The following CYTL1 variants were observed in gnomAD, a reference collection of about 807,000 sequenced individuals.
CYTL1 encodes cytokine-like protein 1.
In CYTL1, 17 loss-of-function variants were observed where a neutral mutation model predicts 13.1. The observed-to-expected ratio is 1.29, with a 90% CI of 0.89 to 1.94. CYTL1 has a LOEUF of 1.94. Among genes scored for constraint, CYTL1 ranks in the 30% most tolerant of loss-of-function variants. The pLI, the probability that CYTL1 is intolerant of heterozygous loss-of-function variation, is 0.00. For synonymous variants in CYTL1, 91 were observed against 79.4 expected, an observed-to-expected ratio of 1.15 and a Z score of -0.78; for missense variants, 213 against 174.8, an observed-to-expected ratio of 1.22 and a Z score of -1.23.
intron 1 of CYTL1, among the ~76,000 whole-genome samples, chr4:5,017,700 T>C (rs1741105157): frequency 1.3e-5 from 2 of 151,740 alleles, no homozygotes; most frequent in Admixed American, 1.3e-4. Flanking sequence ...ATAGACATTA[T>C]ATATACTTAC....
intron 3 of CYTL1, among the ~76,000 whole-genome samples, chr4:5,016,095 C>T (rs147309671): frequency 1.4e-4 from 22 of 152,290 alleles, no homozygotes; most frequent in African/African-American, 4.6e-4. Context: ...AATGGATTAA[C>T]GTCACTACCT....
rs1186542271 is a variant in CYTL1, at chr4:5,019,003, CTTTTTTTTTT to C, written c.153+280_153+289del. Among the ~76,000 whole-genome samples, 244 of 89,628 alleles carry C rather than the reference CTTTTTTTTTT, an allele frequency of 2.7e-3. 2 individuals are homozygous for C. Among genetic ancestry groups the C allele is most frequent in the African/African-American group, 0.01 (229 of 22,900 alleles). 58.8% of individuals were successfully genotyped at this position (89,628 alleles called of 152,430 possible). On this transcript the variant is annotated intron_variant, in intron 1 of 3. Transcript: ENST00000307746. The stretch of plus-strand genomic sequence containing the variant: ...TCCCACTCCTTTTTTTTTCTTTTTT[CTTTTTTTTTT>C]TTTTTTTTTTTTTTACATTTTACAA...
chr4:5,018,625 C>G (rs1010714243), intron 1 of CYTL1, among the ~76,000 whole-genome samples: 1 of 152,238 alleles, frequency 6.6e-6, no homozygotes, highest in Non-Finnish European at 1.5e-5. Flanking sequence ...GGGTCTTCCC[C>G]TCTCTGAGTC....
Position 5,015,048 on chromosome 4 carries a change from A to G in CYTL1, c.*103T>C, listed in dbSNP as rs1402960136. On this transcript the variant is annotated 3_prime_UTR_variant, in exon 4 of 4. Coordinates refer to ENST00000307746, the MANE Select transcript of CYTL1 (RefSeq NM_018659.3). ...AGAGAGATACATAACAGTTTCAGAT[A>G]CAACTAACACAAGACCTGTGAGGGT... 3 of 942,476 alleles carry G rather than the reference A, an allele frequency of 3.2e-6. No individual in the cohort carries two copies. The African/African-American group carries it at 4.9e-5, about 15-fold the overall frequency. 58.4% of individuals were successfully genotyped at this position (942,476 alleles called of 1,614,324 possible).
In CYTL1 at chr4:5,019,409, G is replaced by A; in HGVS notation, c.37C>T (p.Leu13Phe). 3 of 1,487,026 alleles carry A rather than the reference G, an allele frequency of 2.0e-6. No individual in the cohort carries two copies. The highest frequency in any genetic ancestry group is 2.7e-6 in the Non-Finnish European group (3 of 1,127,018). The allele number at this position is 1,487,026 out of a possible 1,614,324, so 92.1% of individuals were successfully genotyped here. The change falls in exon 1 of 4, where the codon CTC becomes TTC. Residue 13 changes from leucine (L) to phenylalanine (F), a missense_variant. By Grantham distance (22) the Leu-to-Phe change is conservative. Coordinates refer to ENST00000307746, the MANE Select transcript of CYTL1 (RefSeq NM_018659.3). ...CGCGCGGCGGGGGCTCCCGCCAGGA[G>A]CAGCAGCAGCACGGGCAGAGGCCCA... is the stretch of plus-strand genomic sequence containing the variant. Reference protein sequence around the residue: ...TPGPLPVLLLLLAGAPAARPT... With the variant: ...TPGPLPVLLLFLAGAPAARPT...
Position 5,016,848 on chromosome 4 carries a change from C to G in CYTL1, c.315G>C (p.Ser105=), listed in dbSNP as rs141557297. ...GGCATCCACTTACTCTCCTGCAGAA[C>G]GAGTTCATGATGGTGTACAGCTTCC... ...KARKLYTIMN[S]FCRRDLVFLL... The change falls in exon 3 of 4, where the codon TCG becomes TCC. Residue 105 remains serine, a synonymous_variant. Coordinates refer to ENST00000307746, the MANE Select transcript of CYTL1 (RefSeq NM_018659.3). 4 of 1,614,180 alleles carry G rather than the reference C, an allele frequency of 2.5e-6. No homozygotes were observed. The highest frequency in any genetic ancestry group is 3.4e-6 in the Non-Finnish European group (4 of 1,180,028).
chr4:5,019,003 C>CTTTTT (rs1186542271), intron 1 of CYTL1, among the ~76,000 whole-genome samples: 125 of 89,522 alleles, frequency 1.4e-3, no homozygotes, highest in African/African-American at 1.8e-3. Context: ...TTTCTTTTTT[C>CTTTTT]TTTTTTTTTT....
Position 5,016,904 on chromosome 4 carries a change from C to A in CYTL1, c.259G>T (p.Ala87Ser), listed in dbSNP as rs754856658. 7.4e-6 allele frequency: 12 copies of A among 1,614,086 alleles called. No individual in the cohort carries two copies. The highest frequency in any genetic ancestry group is 1.0e-5 in the Non-Finnish European group (12 of 1,180,056). ...TTGTCCTTCAAGGAATCTACCTGGG[C>A]CACTTTCCAACACGGGGGCGAGGCC... ...FVASPPCWKVAQVDSLKDKAR... is the reference protein window; with the variant it reads ...FVASPPCWKVSQVDSLKDKAR... Residue 87 changes from alanine (A) to serine (S), a missense_variant, in exon 3 of 4, where the codon GCC (alanine) becomes TCC (serine). Physicochemically the swap from Ala to Ser is moderately conservative, Grantham distance 99. Coordinates refer to ENST00000307746, the MANE Select transcript of CYTL1 (RefSeq NM_018659.3).
rs376640064 is a variant in CYTL1 at position 5,015,242 on chromosome 4, A to G, written c.328-8T>C. 9.9e-6 allele frequency: 16 copies of G among 1,609,932 alleles called. No individual in the cohort carries two copies. The highest frequency in any genetic ancestry group is 1.3e-5 in the Non-Finnish European group (15 of 1,177,504). On this transcript the variant is annotated splice_region_variant and splice_polypyrimidine_tract_variant and intron_variant, in intron 3 of 3. Transcript: ENST00000307746. ...CAACAGGAATACCAAATCCTGAAAA[A>G]GATGTGCAATGAGCAGGAAAGTTAC...
chr4:5,015,423 C>CATTTCA (rs34659865), intron 3 of CYTL1, among the ~76,000 whole-genome samples, 189 bp from the exon 4 acceptor site: 131,969 of 151,922 alleles, frequency 0.87, 58,224 homozygotes, highest in East Asian at 0.97. Context: ...AATTTCATTT[C>CATTTCA]CATAATTTTC....
rs369160584 is a variant in CYTL1, at chr4:5,017,135, G to A, written c.198C>T (p.His66=). The A allele has an allele frequency of 4.6e-5, 75 of 1,613,792 alleles. No individual in the cohort carries two copies. Among genetic ancestry groups the A allele is most frequent in the African/African-American group, 3.2e-4 (24 of 74,928 alleles). ...RYLPRLYLDI[H]NYCVLDKLRD... is the part of the protein sequence containing the mutation. ...CCTCCCCCAGGGAGAACCCTCTTACGTGTATGTCCAGGTACAGCCTGGGCA... is the reference window on the plus strand; with the variant it reads ...CCTCCCCCAGGGAGAACCCTCTTACATGTATGTCCAGGTACAGCCTGGGCA... The change falls in exon 2 of 4, where the codon CAC becomes CAT. Residue 66 remains histidine (H), a splice_region_variant and synonymous_variant. Transcript: ENST00000307746.
chr4:5,019,425 C>A lies in CYTL1; in HGVS notation c.21G>T (p.Leu7=). 1 of 1,480,566 alleles carries A rather than the reference C, an allele frequency of 6.8e-7. No individual in the cohort carries two copies. The highest frequency in any genetic ancestry group is 8.9e-7 in the Non-Finnish European group (1 of 1,123,098). 91.7% of individuals were successfully genotyped at this position (1,480,566 alleles called of 1,614,324 possible). The change falls in exon 1 of 4, where the codon CTG becomes CTT. Residue 7 remains leucine, a synonymous_variant. Coordinates refer to ENST00000307746, the MANE Select transcript of CYTL1 (RefSeq NM_018659.3). MRTPGP[L]PVLLLLLAGA... is the part of the protein sequence containing the mutation. ...CCGCCAGGAGCAGCAGCAGCACGGG[C>A]AGAGGCCCAGGCGTCCTCATGGTGC...
chr4:5,017,287 C>G, intron 1 of CYTL1, 108 bp from the exon 2 acceptor site: 1 of 1,013,128 alleles, frequency 9.9e-7, no homozygotes, highest in Non-Finnish European at 1.5e-6. Flanking sequence ...TCCCTGGGGC[C>G]CTCCCTGATG....
At chr4:5,017,660 T>C (rs1053807994) in intron 1 of CYTL1, among the ~76,000 whole-genome samples, 1 of 150,830 alleles carries the variant, frequency 6.6e-6, no homozygotes, top group African/African-American at 2.4e-5. Flanking sequence ...GTATATTAGC[T>C]ATATAACAGT....
chr4:5,019,320 G>T lies in CYTL1; in HGVS notation c.126C>A (p.Phe42Leu). 2 of 1,512,264 alleles carry T rather than the reference G, an allele frequency of 1.3e-6. No individual in the cohort carries two copies. The highest frequency in any genetic ancestry group is 1.8e-6 in the Non-Finnish European group (2 of 1,134,408). 93.7% of individuals were successfully genotyped at this position (1,512,264 alleles called of 1,614,324 possible). A position where few individuals can be genotyped will look rare whatever the true frequency, so the allele number is the denominator to read the frequency against. ...AGGGCTCCGAGACCTGCAGGAGGTT[G>T]AAGTCGCGGGTGATCTCCTGGCTCA... ...RALSQEITRD[F>L]NLLQVSEPSE... Residue 42 changes from phenylalanine to leucine, a missense_variant, in exon 1 of 4, where the codon TTC (phenylalanine) becomes TTA (leucine). Physicochemically the swap from Phe to Leu is conservative, Grantham distance 22 (BLOSUM62 0). Coordinates refer to ENST00000307746, the MANE Select transcript of CYTL1 (RefSeq NM_018659.3).
intron 1 of CYTL1, among the ~76,000 whole-genome samples, 160 bp downstream of exon 1, chr4:5,019,133 A>G (rs1159921206): frequency 6.6e-6 from 1 of 150,692 alleles, no homozygotes; most frequent in Non-Finnish European, 1.5e-5. Context: ...TATCATATTT[A>G]AAAGGAGATG....
chr4:5,016,898 C>T lies in CYTL1; in HGVS notation c.265G>A (p.Val89Ile), dbSNP rs753659536. ...ASPPCWKVAQVDSLKDKARKL... is the reference protein window; with the variant it reads ...ASPPCWKVAQIDSLKDKARKL... ...CGTGCTTTGTCCTTCAAGGAATCTA[C>T]CTGGGCCACTTTCCAACACGGGGGC... The change falls in exon 3 of 4, where the codon GTA (valine) becomes ATA (isoleucine). Residue 89 changes from valine to isoleucine, a missense_variant. Val to Ile is a conservative substitution (Grantham distance 29, BLOSUM62 3). Coordinates refer to ENST00000307746, the MANE Select transcript of CYTL1 (RefSeq NM_018659.3). 1 of 1,614,092 alleles carries T rather than the reference C, an allele frequency of 6.2e-7. No homozygotes were observed. Among genetic ancestry groups the T allele is most frequent in the African/African-American group, 1.3e-5 (1 of 74,926 alleles).
chr4:5,017,331 G>A (rs374074140), intron 1 of CYTL1, 152 bp from the exon 2 acceptor site: 10 of 624,258 alleles, frequency 1.6e-5, no homozygotes, highest in East Asian at 2.9e-5. Flanking sequence ...TGTGTCATAC[G>A]TCACACTCCT....
chr4:5,016,738 T>G, intron 3 of CYTL1, 98 bp downstream of exon 3: 1 of 1,460,880 alleles, frequency 6.8e-7, no homozygotes, highest in Admixed American at 1.8e-5. Context: ...CTGCTCCTCT[T>G]CCTTGTCACC....
Sources: allele counts gnomAD v4.1 joint callset (sites outside exome capture counted in the v4.1 genomes callset), GRCh38; gene constraint gnomAD v4.1.1; transcripts MANE v1.5; gene names NCBI Gene and HGNC (gene_info 2026-07-23, HGNC 2026-07-21).